PCDH11X: variants seen among roughly 807,000 people sequenced by gnomAD.
PCDH11X encodes protocadherin 11 X-linked.
Under a neutral mutation model 53.3 loss-of-function variants are expected in PCDH11X, and 18 were observed. That is an observed-to-expected ratio of 0.34 (90% CI 0.23 to 0.50). The LOEUF is 0.50. Among genes scored for constraint, PCDH11X ranks in the 20% least tolerant of loss-of-function variants. The pLI, the probability that PCDH11X is intolerant of heterozygous loss-of-function variation, is 0.98. For missense variants in PCDH11X, 570 were observed against 1,032.4 expected (o/e 0.55, Z 6.14); for synonymous variants, 279 against 393.3 (o/e 0.71, Z 3.44).
chrX:92,230,941 G>A (rs1268317959), intron 7 of PCDH11X, among the ~76,000 whole-genome samples: 2 of 110,794 alleles, frequency 1.8e-5, no homozygotes, highest in African/African-American at 6.6e-5. Context: ...CTGTTTCAGG[G>A]CCTTCTAATT....
At chrX:92,078,947 G>T in intron 6 of PCDH11X, among the ~76,000 whole-genome samples, 1 of 110,047 alleles carries the variant, frequency 9.1e-6, no homozygotes, top group African/African-American at 3.3e-5. Context: ...AGTTATAAGA[G>T]CCCAAGGAAT....
At position 92,476,924 on chromosome X, in the gene PCDH11X, CA is replaced by C. The variant is rs766830064; in HGVS notation, c.3367+8621del. 3.2e-3 allele frequency among the ~76,000 whole-genome samples: 59 copies of C among 18,449 alleles called. 9 individuals are homozygous for C. The highest frequency in any genetic ancestry group is 0.015 in the East Asian group (4 of 261). 16.0% of individuals were successfully genotyped at this position (18,449 alleles called of 115,157 possible). A position where few individuals can be genotyped will look rare whatever the true frequency, so the allele number is the denominator to read the frequency against. ...CTTGTTCTCTTTTCTTACTTTCTTC[CA>C]AAAAAAAAAAAAAAAAAATGGAGTC... On this transcript the variant is annotated intron_variant, in intron 10 of 10. Transcript: ENST00000682573.
chrX:92,030,963 C>T (rs1416342906), intron 6 of PCDH11X, among the ~76,000 whole-genome samples: 2 of 108,488 alleles, frequency 1.8e-5, no homozygotes, highest in Admixed American at 2.0e-4. Flanking sequence ...GCAGATATCA[C>T]TTCATTATAC....
At chrX:92,462,121 C>T (rs977864880) in intron 9 of PCDH11X, among the ~76,000 whole-genome samples, 5 of 111,516 alleles carry the variant, frequency 4.5e-5, no homozygotes, top group African/African-American at 1.6e-4. Context: ...TAAAAAACTT[C>T]AATTATATTC....
At chrX:91,857,960 C>T (rs7060286) in intron 5 of PCDH11X, among the ~76,000 whole-genome samples, 9,519 of 111,128 alleles carry the variant, frequency 0.086, 1,037 homozygotes, top group African/African-American at 0.3. Flanking sequence ...TGTGGAGGCT[C>T]CCACCCCACA....
intron 6 of PCDH11X, among the ~76,000 whole-genome samples, chrX:91,880,814 G>A (rs1939858502): frequency 9.1e-6 from 1 of 110,296 alleles, no homozygotes; most frequent in African/African-American, 3.3e-5. Flanking sequence ...TCTCCACAGG[G>A]TGTGTTTTTG....
At chrX:92,232,372 C>T (rs781505194) in intron 7 of PCDH11X, among the ~76,000 whole-genome samples, 1 of 111,688 alleles carries the variant, frequency 9.0e-6, no homozygotes, top group East Asian at 2.8e-4. Flanking sequence ...CTATAGTGAA[C>T]CACTAGATGG....
chrX:92,176,108 A>C (rs5941046), intron 6 of PCDH11X, among the ~76,000 whole-genome samples: 55,171 of 109,576 alleles, frequency 0.5, 10,600 homozygotes, highest in Non-Finnish European at 0.6. Flanking sequence ...AATGAAGCAG[A>C]GTGAACGAGA....
Position 91,812,128 on chromosome X carries a change from T to C in PCDH11X, c.-45+833T>C, listed in dbSNP as rs141142966. Reference sequence around the variant, plus strand: ...TTGTCACAATACTCCAATAATGTAATACACTTAAAAATAATATATTTAAAT... The same window carrying C: ...TTGTCACAATACTCCAATAATGTAACACACTTAAAAATAATATATTTAAAT... On this transcript the variant is annotated intron_variant, in intron 4 of 10. Transcript: ENST00000682573. Among the ~76,000 whole-genome samples the C allele has an allele frequency of 3.6e-3, 401 of 111,288 alleles. 3 individuals carry two copies. The highest frequency in any genetic ancestry group is 0.013 in the African/African-American group (389 of 30,751).
chrX:92,326,906 C>T (rs1383703757), intron 8 of PCDH11X, among the ~76,000 whole-genome samples: 1 of 107,972 alleles, frequency 9.3e-6, no homozygotes, highest in African/African-American at 3.4e-5. Context: ...TCATAATTTG[C>T]AGATGTAATA....
chrX:92,506,174 C>T (rs1193489017), intron 10 of PCDH11X, among the ~76,000 whole-genome samples: 1 of 100,563 alleles, frequency 9.9e-6, no homozygotes, highest in Non-Finnish European at 2.0e-5. Context: ...CTTTTAAAAA[C>T]ATTATCCTCT....
At chrX:92,126,724 TG>T (rs2064872807) in intron 6 of PCDH11X, among the ~76,000 whole-genome samples, 2 of 108,871 alleles carry the variant, frequency 1.8e-5, no homozygotes, top group African/African-American at 6.7e-5. Context: ...TGTGTGTGTG[TG>T]TGTGTGTGTG....
intron 6 of PCDH11X, among the ~76,000 whole-genome samples, chrX:92,132,215 G>T (rs113795147): frequency 0.028 from 2,559 of 90,180 alleles, 99 homozygotes; most frequent in African/African-American, 0.1. Context: ...AACCCGGGAG[G>T]CAGAGGTTGC....
At chrX:92,363,959 T>A (rs2148542816) in intron 8 of PCDH11X, among the ~76,000 whole-genome samples, 1 of 111,674 alleles carries the variant, frequency 9.0e-6, no homozygotes, top group South Asian at 3.7e-4. Flanking sequence ...TATAGTACAG[T>A]CATTGATTTT....
intron 6 of PCDH11X, among the ~76,000 whole-genome samples, chrX:92,128,535 T>C (rs1319851761): frequency 9.2e-6 from 1 of 109,054 alleles, no homozygotes; most frequent in East Asian, 2.9e-4. Flanking sequence ...GTAGCTGGGA[T>C]TACAGGTGTG....
chrX:92,157,496 CAG>C (rs1403013693), intron 6 of PCDH11X, among the ~76,000 whole-genome samples: 1 of 111,684 alleles, frequency 9.0e-6, no homozygotes, highest in Non-Finnish European at 1.9e-5. Flanking sequence ...ATAAAAATGA[CAG>C]AGTGTAAAAG....
intron 1 of PCDH11X, among the ~76,000 whole-genome samples, chrX:91,795,790 C>G (rs1935713188): frequency 9.0e-6 from 1 of 111,541 alleles, no homozygotes; most frequent in Non-Finnish European, 1.9e-5. Flanking sequence ...ACTGTAAGAA[C>G]AGTTTTATAG....
intron 7 of PCDH11X, among the ~76,000 whole-genome samples, chrX:92,261,287 C>T (rs1483887831): frequency 2.7e-5 from 3 of 111,290 alleles, no homozygotes; most frequent in African/African-American, 9.8e-5. Context: ...CTATTTTAGG[C>T]TTTTCTCAAT....
chrX:92,466,237 A>T (rs182010991), intron 9 of PCDH11X, among the ~76,000 whole-genome samples: 3 of 110,920 alleles, frequency 2.7e-5, no homozygotes, highest in Non-Finnish European at 5.7e-5. Flanking sequence ...ATTCACATAG[A>T]CTATAGTATT....
Sources: allele counts gnomAD v4.1 joint callset (sites outside exome capture counted in the v4.1 genomes callset), GRCh38; gene constraint gnomAD v4.1.1; transcripts MANE v1.5; gene names NCBI Gene and HGNC (gene_info 2026-07-23, HGNC 2026-07-21).